LMNB2: variants seen among roughly 807,000 people sequenced by gnomAD.
The protein encoded by LMNB2 is lamin-B2.
LMNB2 carries 17 observed loss-of-function variants against 69.3 expected under a neutral mutation model. The observed-to-expected ratio is 0.25, with a 90% CI of 0.17 to 0.37. The LOEUF (loss-of-function observed/expected upper bound fraction) is 0.37, where lower values mean the gene tolerates loss of function less well. Ranked by LOEUF, LMNB2 falls within the 10% of genes least tolerant of loss-of-function variation. LMNB2 has a pLI of 1.00. For synonymous variants in LMNB2, 397 were observed against 389.3 expected (o/e 1.02, Z -0.23); for missense variants, 789 against 883.6 (o/e 0.89, Z 1.36).
intron 4 of LMNB2, among the ~76,000 whole-genome samples, chr19:2,437,799 C>CCAAAAAAAAAAAAAA (rs1971845493): frequency 7.2e-6 from 1 of 138,620 alleles, no homozygotes; most frequent in Admixed American, 7.0e-5. Flanking sequence ...AACTCCATCT[C>CCAAAAAAAAAAAAAA]AAAAAAAGAC....
intron 1 of LMNB2, among the ~76,000 whole-genome samples, chr19:2,451,183 A>T (rs1410540528): frequency 6.6e-6 from 1 of 152,066 alleles, no homozygotes; most frequent in Non-Finnish European, 1.5e-5. Flanking sequence ...CGGGAGGCAG[A>T]GGTTGAAGTG....
chr19:2,431,420 C>G, intron 11 of LMNB2, 128 bp downstream of exon 11: 1 of 1,238,458 alleles, frequency 8.1e-7, no homozygotes, highest in South Asian at 1.2e-5. Context: ...GCTGGCTTCA[C>G]CCTGAGCCAC....
chr19:2,435,995 A>C (rs1366289417), intron 4 of LMNB2, among the ~76,000 whole-genome samples: 4 of 152,094 alleles, frequency 2.6e-5, no homozygotes, highest in Non-Finnish European at 4.4e-5. Context: ...TTAAAAATAC[A>C]AAAATTAGGC....
At position 2,432,639 on chromosome 19, in the gene LMNB2, C is replaced by T. The variant is rs1480777748; in HGVS notation, c.1483-116G>A. The T allele has an allele frequency of 8.7e-6, 7 of 806,630 alleles. No individual in the cohort carries two copies. In the Middle Eastern group the frequency reaches 8.9e-4, roughly 103 times the overall value. 50.0% of individuals were successfully genotyped at this position (806,630 alleles called of 1,614,324 possible). On this transcript the variant is annotated intron_variant, in intron 8 of 11. Transcript: ENST00000325327. ...TGGTCACCCCCACCAGCTAGGTCAC[C>T]CCATTACCCCCATGCCCTGGTCATT...
intron 6 of LMNB2, 23 bp downstream of exon 6, chr19:2,434,765 G>A (rs747217361): frequency 2.5e-6 from 4 of 1,592,542 alleles, no homozygotes; most frequent in East Asian, 4.6e-5. Context: ...GGGGACGGCA[G>A]ACGGTGGCGC....
At chr19:2,451,599 G>C (rs528734578) in intron 1 of LMNB2, among the ~76,000 whole-genome samples, 1 of 152,334 alleles carries the variant, frequency 6.6e-6, no homozygotes, top group Non-Finnish European at 1.5e-5. Context: ...AAAGGGCTGG[G>C]GACAGGCTGG....
chr19:2,439,787 G>A (rs1402343064), intron 2 of LMNB2, among the ~76,000 whole-genome samples: 2 of 150,366 alleles, frequency 1.3e-5, no homozygotes, highest in Non-Finnish European at 3.0e-5. Flanking sequence ...AGGCTGGATT[G>A]CAATGGCGTG....
intron 2 of LMNB2, among the ~76,000 whole-genome samples, chr19:2,442,951 G>A (rs953721474): frequency 1.3e-5 from 2 of 152,208 alleles, no homozygotes; most frequent in Admixed American, 6.5e-5. Context: ...CAGCAGCTCT[G>A]TCCCATCTGC....
At chr19:2,435,715 T>G (rs1971813865) in intron 4 of LMNB2, among the ~76,000 whole-genome samples, 1 of 151,974 alleles carries the variant, frequency 6.6e-6, no homozygotes, top group Non-Finnish European at 1.5e-5. Context: ...TCCCAGCTAC[T>G]CAGGAGGCTG....
intron 2 of LMNB2, among the ~76,000 whole-genome samples, chr19:2,442,158 A>G (rs1031461124): frequency 6.6e-6 from 1 of 152,144 alleles, no homozygotes; most frequent in Non-Finnish European, 1.5e-5. Flanking sequence ...TAAATTTGTT[A>G]GGATAAGAAA....
chr19:2,434,940 GGGCGC>G (rs780604079), intron 5 of LMNB2, 27 bp from the exon 6 acceptor site: 3 of 1,587,412 alleles, frequency 1.9e-6, no homozygotes, highest in Non-Finnish European at 1.7e-6. Flanking sequence ...GGGTGAGTGC[GGGCGC>G]GGGGCGGGGC....
At chr19:2,450,606 C>A (rs1045474201) in intron 1 of LMNB2, among the ~76,000 whole-genome samples, 12 of 151,812 alleles carry the variant, frequency 7.9e-5, no homozygotes, top group Non-Finnish European at 1.5e-4. Flanking sequence ...GGTGAAACCC[C>A]ATCTCTACTA....
In LMNB2 at chr19:2,434,048, G is replaced by T; in HGVS notation, c.1260C>A (p.Ser420Arg). The change falls in exon 8 of 12, where the codon AGC (serine) becomes AGA (arginine). Residue 420 changes from serine to arginine, a missense_variant. Physicochemically the swap from Ser to Arg is moderately radical, Grantham distance 110. Coordinates refer to ENST00000325327, the MANE Select transcript of LMNB2 (RefSeq NM_032737.4). ...CGGTGGCGGACAAGCTGCCGCTGCT[G>T]CTCGAGGTGGCTCGTGAGACGGTGA... Reference protein sequence around the residue: ...SRVTVSRATSSSSGSLSATGR... With the variant: ...SRVTVSRATSRSSGSLSATGR... The T allele has an allele frequency of 1.3e-6, 2 of 1,599,816 alleles. No individual in the cohort carries two copies. Among genetic ancestry groups the T allele is most frequent in the Non-Finnish European group, 1.7e-6 (2 of 1,174,670 alleles).
intron 2 of LMNB2, among the ~76,000 whole-genome samples, chr19:2,438,932 T>C (rs985930307): frequency 6.6e-6 from 1 of 152,088 alleles, no homozygotes; most frequent in African/African-American, 2.4e-5. Context: ...TCACCTGGTT[T>C]TCCACTAAAC....
chr19:2,430,346 T>G lies in LMNB2; in HGVS notation c.*565A>C. 1 of 168,902 alleles carries G rather than the reference T, an allele frequency of 5.9e-6. No individual in the cohort carries two copies. The highest frequency in any genetic ancestry group is 1.3e-5 in the Non-Finnish European group (1 of 77,266). 10.5% of individuals were successfully genotyped at this position (168,902 alleles called of 1,614,324 possible). A position where few individuals can be genotyped will look rare whatever the true frequency, so the allele number is the denominator to read the frequency against. ...GAATCTGGAAGCCCAGGCAGCGGAG[T>G]GAAAACCCGCCCTGGGGGCCACGCC... On this transcript the variant is annotated 3_prime_UTR_variant, in exon 12 of 12. Coordinates refer to ENST00000325327, the MANE Select transcript of LMNB2 (RefSeq NM_032737.4).
chr19:2,431,021 G>T (rs1971732970), intron 11 of LMNB2, 69 bp from the exon 12 acceptor site: 2 of 982,928 alleles, frequency 2.0e-6, no homozygotes, highest in African/African-American at 3.2e-5. Flanking sequence ...CAGGTAGATG[G>T]CTGCCCCCAC....
At chr19:2,433,765 C>T (rs1007312463) in intron 8 of LMNB2, 61 bp downstream of exon 8, 17 of 1,600,234 alleles carry the variant, frequency 1.1e-5, no homozygotes, top group Admixed American at 1.7e-5. Context: ...TCACCCTGAC[C>T]CTGGTCACCC....
Position 2,429,027 on chromosome 19 carries a change from T to C in LMNB2, c.*1884A>G, listed in dbSNP as rs1358664942. The C allele has an allele frequency of 1.3e-5, 2 of 152,214 alleles. No homozygotes were observed. The highest frequency in any genetic ancestry group is 2.9e-5 in the Non-Finnish European group (2 of 68,074). The allele number at this position is 152,214 out of a possible 1,614,324, so 9.4% of individuals were successfully genotyped here. On this transcript the variant is annotated 3_prime_UTR_variant, in exon 12 of 12. Coordinates refer to ENST00000325327, the MANE Select transcript of LMNB2 (RefSeq NM_032737.4). ...GGACCTGCGGGTTTTGGGGGGGACT[T>C]TGTCCCTGAGCCCAGCCTGCAAGGC...
Position 2,438,447 on chromosome 19 carries a change from C to T in LMNB2, c.486G>A (p.Glu162=). 3.1e-6 allele frequency: 5 copies of T among 1,612,332 alleles called. No individual in the cohort carries two copies. The South Asian group carries it at 3.3e-5, about 11-fold the overall frequency. The change falls in exon 3 of 12, where the codon GAG becomes GAA. Residue 162 remains glutamate (E), a synonymous_variant. Transcript: ENST00000325327. The part of the protein sequence containing the change: ...LESLFHRSEV[E]LAAALSDKRG... ...GCTTGTCGCTGAGGGCAGCTGCCAG[C>T]TCCACCTCGCTCCGGTGGAACAGGG...
Sources: gnomAD v4.1 joint callset for allele counts (sites outside exome capture counted in the v4.1 genomes callset) on GRCh38, gnomAD v4.1.1 for gene constraint, MANE v1.5 for transcripts, NCBI Gene and HGNC (gene_info 2026-07-23, HGNC 2026-07-21) for gene names.